PLPPR1: variants seen among roughly 807,000 people sequenced by gnomAD.
The protein encoded by PLPPR1 is phospholipid phosphatase related 1.
PLPPR1 carries 10 observed loss-of-function variants against 33.1 expected under a neutral mutation model. The ratio of observed to expected loss-of-function variants is 0.30; its 90% CI spans 0.19 to 0.51. The LOEUF (loss-of-function observed/expected upper bound fraction) is 0.51, where lower values mean the gene tolerates loss of function less well. Ranked by LOEUF, PLPPR1 falls within the 20% of genes least tolerant of loss-of-function variation. The pLI is 0.97. For missense variants in PLPPR1, 304 were observed against 408.1 expected (o/e 0.74, Z 2.20); for synonymous variants, 151 against 151.0 (o/e 1.00, Z 0.00).
At chr9:101,079,369 T>A (rs953947328) in intron 1 of PLPPR1, among the ~76,000 whole-genome samples, 2 of 152,220 alleles carry the variant, frequency 1.3e-5, no homozygotes, top group African/African-American at 4.8e-5. Context: ...CTGGAGCACA[T>A]CTCTCAGTAT....
In PLPPR1 at chr9:101,109,022, G is replaced by T. The variant is rs369953607; in HGVS notation, c.-45-76428G>T. Among the ~76,000 whole-genome samples, 5 of 148,736 alleles carry T rather than the reference G, an allele frequency of 3.4e-5. No homozygotes were observed. In the South Asian group the frequency reaches 8.4e-4, roughly 25 times the overall value. ...CACCCAGGCTGGAGTGCAGTGGCGC[G>T]ATCTCGGCTCACTGCAAGCTCCGCC... On this transcript the variant is annotated intron_variant, in intron 1 of 7. Coordinates refer to ENST00000374874, the MANE Select transcript of PLPPR1 (RefSeq NM_207299.2).
At chr9:101,299,179 G>A (rs912017317) in intron 4 of PLPPR1, among the ~76,000 whole-genome samples, 7 of 152,208 alleles carry the variant, frequency 4.6e-5, no homozygotes, top group African/African-American at 1.2e-4. Flanking sequence ...AACAGGAACC[G>A]TAGTTGAAGC....
At chr9:101,032,126 G>C (rs1345870590) in intron 1 of PLPPR1, among the ~76,000 whole-genome samples, 1 of 152,154 alleles carries the variant, frequency 6.6e-6, no homozygotes, top group East Asian at 1.9e-4. Context: ...ACAGATATGG[G>C]TTCTTAGCTT....
At chr9:101,157,491 T>G (rs1404942185) in intron 1 of PLPPR1, among the ~76,000 whole-genome samples, 1 of 152,176 alleles carries the variant, frequency 6.6e-6, no homozygotes, top group Non-Finnish European at 1.5e-5. Flanking sequence ...ATTTGAGCAT[T>G]ATTAGCATAT....
chr9:101,119,771 G>GC (rs1252386310), intron 1 of PLPPR1, among the ~76,000 whole-genome samples: 1 of 152,102 alleles, frequency 6.6e-6, no homozygotes, highest in Non-Finnish European at 1.5e-5. Flanking sequence ...TGGCCTTTTT[G>GC]CCCCTCTATC....
At chr9:101,230,961 G>A (rs1827171510) in intron 2 of PLPPR1, among the ~76,000 whole-genome samples, 1 of 151,726 alleles carries the variant, frequency 6.6e-6, no homozygotes, top group African/African-American at 2.4e-5. Context: ...TGAATAAAAA[G>A]GAAGGAATCT....
At chr9:101,129,084 G>A (rs1282489569) in intron 1 of PLPPR1, among the ~76,000 whole-genome samples, 1 of 151,994 alleles carries the variant, frequency 6.6e-6, no homozygotes, top group East Asian at 1.9e-4. Flanking sequence ...GTCTCCCCAG[G>A]TAGATTTTGA....
intron 1 of PLPPR1, among the ~76,000 whole-genome samples, chr9:101,083,791 T>G (rs1374693841): frequency 2.0e-5 from 3 of 152,226 alleles, no homozygotes; most frequent in African/African-American, 4.8e-5. Flanking sequence ...AATGCTCAGA[T>G]TCTTTATTTT....
chr9:101,266,427 AT>A (rs1415359194), intron 2 of PLPPR1, among the ~76,000 whole-genome samples: 1 of 142,686 alleles, frequency 7.0e-6, no homozygotes, highest in Non-Finnish European at 1.5e-5. Context: ...AAAGAAAGAA[AT>A]AAAGAAAAAG....
Position 101,117,108 on chromosome 9 carries a change from A to G in PLPPR1, c.-45-68342A>G, listed in dbSNP as rs1831126827. Among the ~76,000 whole-genome samples, 6 of 152,088 alleles carry G rather than the reference A, an allele frequency of 3.9e-5. No homozygotes were observed. In the South Asian group the frequency reaches 1.2e-3, roughly 32 times the overall value. Reference sequence around the variant, plus strand: ...GGGTTCTCTTATAAAAGGAAGGGGGAAAATGTCAGAGGCTTTTAAACCAGA... The same window carrying G: ...GGGTTCTCTTATAAAAGGAAGGGGGGAAATGTCAGAGGCTTTTAAACCAGA... On this transcript the variant is annotated intron_variant, in intron 1 of 7. Coordinates refer to ENST00000374874, the MANE Select transcript of PLPPR1 (RefSeq NM_207299.2).
intron 1 of PLPPR1, among the ~76,000 whole-genome samples, chr9:101,141,767 G>C (rs1015128401): frequency 6.6e-6 from 1 of 152,092 alleles, no homozygotes; most frequent in African/African-American, 2.4e-5. Context: ...AAAACTGCAT[G>C]AAAACACACA....
At chr9:101,161,759 CT>C in intron 1 of PLPPR1, among the ~76,000 whole-genome samples, 1 of 151,964 alleles carries the variant, frequency 6.6e-6, no homozygotes, top group Non-Finnish European at 1.5e-5. Flanking sequence ...AAAGTATTAC[CT>C]TTTTCAAACT....
intron 1 of PLPPR1, among the ~76,000 whole-genome samples, chr9:101,139,677 T>C (rs1256015611): frequency 6.6e-6 from 1 of 152,182 alleles, no homozygotes; most frequent in Non-Finnish European, 1.5e-5. Context: ...GCCATTTTAC[T>C]TCCAGGTAAG....
At chr9:101,256,065 A>C (rs1827796506) in intron 2 of PLPPR1, among the ~76,000 whole-genome samples, 1 of 152,110 alleles carries the variant, frequency 6.6e-6, no homozygotes, top group Admixed American at 6.6e-5. Flanking sequence ...CTCTGGCCAT[A>C]CACATTTGCT....
At chr9:101,266,265 A>G (rs943930384) in intron 2 of PLPPR1, among the ~76,000 whole-genome samples, 1 of 151,820 alleles carries the variant, frequency 6.6e-6, no homozygotes, top group Non-Finnish European at 1.5e-5. Flanking sequence ...TGTCTCTACT[A>G]AAAATACAAA....
At chr9:101,267,353 GTCTCT>G (rs754086614) in intron 2 of PLPPR1, among the ~76,000 whole-genome samples, 1 of 152,180 alleles carries the variant, frequency 6.6e-6, no homozygotes, top group Non-Finnish European at 1.5e-5. Flanking sequence ...ATTTATCCAA[GTCTCT>G]TCTCTGTTGC....
intron 2 of PLPPR1, among the ~76,000 whole-genome samples, chr9:101,243,133 GTA>G (rs1827511666): frequency 6.6e-6 from 1 of 151,976 alleles, no homozygotes; most frequent in Non-Finnish European, 1.5e-5. Context: ...CTTACCTGAA[GTA>G]GAAATGTATG....
At chr9:101,078,124 A>G (rs1830564925) in intron 1 of PLPPR1, among the ~76,000 whole-genome samples, 6 of 8,744 alleles carry the variant, frequency 6.9e-4, no homozygotes, top group African/African-American at 2.9e-3. Context: ...AAGAAGAAGA[A>G]GAAGAAGAAG....
chr9:101,090,405 G>T (rs1046940430), intron 1 of PLPPR1, among the ~76,000 whole-genome samples: 1 of 152,032 alleles, frequency 6.6e-6, no homozygotes, highest in Non-Finnish European at 1.5e-5. Context: ...AAATAAAAAA[G>T]ATTTCATGTT....
Sources: allele counts gnomAD v4.1 joint callset (sites outside exome capture counted in the v4.1 genomes callset), GRCh38; gene constraint gnomAD v4.1.1; transcripts MANE v1.5; gene names NCBI Gene and HGNC (gene_info 2026-07-23, HGNC 2026-07-21).